Variants in TENM4 observed in about 807,000 individuals in gnomAD.
TENM4 encodes the protein teneurin-4.
In TENM4, 82 loss-of-function variants were observed where a neutral mutation model predicts 243.3. The observed-to-expected ratio is 0.34, with a 90% CI of 0.28 to 0.40. The LOEUF is 0.40. TENM4 is among the 10% of genes least tolerant of loss of function. The pLI is 1.00. For synonymous variants in TENM4, 1,412 were observed against 1,456.3 expected, an observed-to-expected ratio of 0.97 and a Z score of 0.69; for missense variants, 3,138 against 3,673.3, an observed-to-expected ratio of 0.85 and a Z score of 3.77.
chr11:78,940,218 A>T (rs1441135177), intron 6 of TENM4, among the ~76,000 whole-genome samples: 6 of 152,162 alleles, frequency 3.9e-5, no homozygotes. Context: ...ATACTATGAG[A>T]ATTTTATCTT....
chr11:79,355,073 C>A (rs1428564038), intron 1 of TENM4, among the ~76,000 whole-genome samples: 1 of 152,164 alleles, frequency 6.6e-6, no homozygotes, highest in South Asian at 2.1e-4. Flanking sequence ...AAAGCCAAAC[C>A]TTTTTAACTT....
At chr11:79,169,638 C>A (rs551603242) in intron 3 of TENM4, among the ~76,000 whole-genome samples, 1 of 152,108 alleles carries the variant, frequency 6.6e-6, no homozygotes, top group East Asian at 1.9e-4. Context: ...GTGACCCCCT[C>A]CCCCCAAAAA....
chr11:79,083,506 C>G (rs1257554495), intron 4 of TENM4, among the ~76,000 whole-genome samples: 2 of 152,260 alleles, frequency 1.3e-5, no homozygotes, highest in African/African-American at 4.8e-5. Flanking sequence ...CAAGCCCCAT[C>G]TGATGCTTGA....
rs1860360066 is a variant in TENM4 at position 79,069,765 on chromosome 11, G to A, written c.180C>T (p.Val60=). The A allele has an allele frequency of 1.9e-6, 3 of 1,551,214 alleles. No individual in the cohort carries two copies. The highest frequency in any genetic ancestry group is 8.7e-7 in the Non-Finnish European group (1 of 1,146,924). ...CGGCCTCCTGCGGCACAATGTCCTT[G>A]ACGCGGCTGCCATAGGCTAGGCGGG... The part of the protein sequence containing the change: ...QDARLAYGSR[V]KDIVPQEAEE... Residue 60 remains valine, a synonymous_variant, in exon 5 of 34, where the codon GTC becomes GTT. Transcript: ENST00000278550.
chr11:79,278,351 A>C (rs775170124), intron 2 of TENM4, among the ~76,000 whole-genome samples: 37 of 152,156 alleles, frequency 2.4e-4, no homozygotes, highest in Non-Finnish European at 4.6e-4. Flanking sequence ...TGGCCGGACA[A>C]ATGGACTGAT....
At chr11:79,069,448 A>AG (rs758285047) in intron 5 of TENM4, among the ~76,000 whole-genome samples, 3 of 152,222 alleles carry the variant, frequency 2.0e-5, no homozygotes, top group Non-Finnish European at 4.4e-5. Context: ...AACTCTAGGC[A>AG]GGTAGACAAA....
chr11:79,217,561 A>G (rs2135230490), intron 2 of TENM4, among the ~76,000 whole-genome samples: 1 of 152,252 alleles, frequency 6.6e-6, no homozygotes, highest in East Asian at 1.9e-4. Flanking sequence ...TTAATAGTAA[A>G]ATTTTGTTGT....
intron 1 of TENM4, among the ~76,000 whole-genome samples, chr11:79,397,916 T>C (rs1318003328): frequency 6.6e-6 from 1 of 152,220 alleles, no homozygotes; most frequent in African/African-American, 2.4e-5. Context: ...AAATGCCAGC[T>C]CTGTCACCAT....
At chr11:79,248,128 C>A (rs1231578808) in intron 2 of TENM4, among the ~76,000 whole-genome samples, 1 of 152,178 alleles carries the variant, frequency 6.6e-6, no homozygotes, top group Non-Finnish European at 1.5e-5. Flanking sequence ...CCCCATGTGT[C>A]CTCAGCTCCT....
At chr11:78,935,044 G>A (rs1200689607) in intron 6 of TENM4, among the ~76,000 whole-genome samples, 5 of 114,808 alleles carry the variant, frequency 4.4e-5, no homozygotes, top group South Asian at 3.0e-4. Flanking sequence ...TCGCTCTGTC[G>A]CCCAGGCCGG....
intron 1 of TENM4, among the ~76,000 whole-genome samples, chr11:79,313,493 C>T (rs968615017): frequency 2.0e-5 from 3 of 152,234 alleles, no homozygotes; most frequent in African/African-American, 7.2e-5. Context: ...AGTGAACTTC[C>T]CTTAGCTCTA....
intron 1 of TENM4, among the ~76,000 whole-genome samples, chr11:79,397,733 C>G (rs932241482): frequency 6.6e-6 from 1 of 152,200 alleles, no homozygotes; most frequent in Non-Finnish European, 1.5e-5. Flanking sequence ...CAATGTTTCT[C>G]TTATCTCAGA....
chr11:79,001,283 T>C (rs530205280), intron 6 of TENM4, among the ~76,000 whole-genome samples: 4 of 152,240 alleles, frequency 2.6e-5, no homozygotes, highest in East Asian at 3.9e-4. Context: ...TAAGTGGATC[T>C]TCAGAGGGAA....
At chr11:78,690,907 T>G (rs1858803563) in intron 28 of TENM4, among the ~76,000 whole-genome samples, 1 of 152,244 alleles carries the variant, frequency 6.6e-6, no homozygotes, top group Admixed American at 6.5e-5. Flanking sequence ...TCACTTGGAC[T>G]GTCTATTTTC....
intron 12 of TENM4, among the ~76,000 whole-genome samples, chr11:78,826,818 A>G (rs1044723588): frequency 3.3e-5 from 5 of 152,200 alleles, no homozygotes; most frequent in African/African-American, 1.2e-4. Flanking sequence ...AATACAAAAA[A>G]AAAGTTTTTA....
chr11:78,754,823 G>A (rs138816310), intron 19 of TENM4, among the ~76,000 whole-genome samples: 2 of 152,286 alleles, frequency 1.3e-5, no homozygotes, highest in East Asian at 1.9e-4. Flanking sequence ...TCAGTACTCC[G>A]GGGGTAAGTT....
intron 28 of TENM4, 131 bp from the exon 29 acceptor site, chr11:78,688,357 TC>T: frequency 2.0e-6 from 2 of 985,562 alleles, no homozygotes; most frequent in Non-Finnish European, 3.0e-6. Flanking sequence ...TTCCCATGTC[TC>T]CCACATATCT....
Position 78,823,381 on chromosome 11 carries a change from T to C in TENM4, c.1682-8986A>G, listed in dbSNP as rs543323019. ...CCAAGCTCAGGCACAGGCTGAACGG[T>C]GCTCTGTGACACAGCCCACTGGGCA... On this transcript the variant is annotated intron_variant, in intron 12 of 33. Transcript: ENST00000278550. Among the ~76,000 whole-genome samples, 577 of 152,276 alleles carry C rather than the reference T, an allele frequency of 3.8e-3. 5 individuals carry two copies. The highest frequency in any genetic ancestry group is 0.014 in the African/African-American group (563 of 41,558).
At chr11:79,151,522 A>G (rs1204038410) in intron 3 of TENM4, among the ~76,000 whole-genome samples, 1 of 152,116 alleles carries the variant, frequency 6.6e-6, no homozygotes, top group Non-Finnish European at 1.5e-5. Context: ...TGGGGAAGAG[A>G]TGTGCTCTGT....
Sources: allele counts gnomAD v4.1 joint callset (sites outside exome capture counted in the v4.1 genomes callset), GRCh38; gene constraint gnomAD v4.1.1; transcripts MANE v1.5; gene names NCBI Gene and HGNC (gene_info 2026-07-23, HGNC 2026-07-21).